LMBRD2: variants seen among roughly 807,000 people sequenced by gnomAD.
LMBRD2 encodes the protein G protein-coupled receptor-associated protein LMBRD2.
Under a neutral mutation model 94.4 loss-of-function variants are expected in LMBRD2, and 55 were observed. The ratio of observed to expected loss-of-function variants is 0.58; its 90% confidence interval spans 0.47 to 0.73. LMBRD2 has a LOEUF of 0.73. Ranked by LOEUF, LMBRD2 falls within the 30% of genes least tolerant of loss-of-function variation. The pLI, the probability that LMBRD2 is intolerant of heterozygous loss-of-function variation, is 0.00. For missense variants in LMBRD2, 640 were observed against 831.9 expected, an observed-to-expected ratio of 0.77 and a Z score of 2.84; for synonymous variants, 246 against 272.4, an observed-to-expected ratio of 0.90 and a Z score of 0.95.
At chr5:36,118,677 G>T (rs1413352495) in intron 9 of LMBRD2, among the ~76,000 whole-genome samples, 2 of 149,418 alleles carry the variant, frequency 1.3e-5, no homozygotes, top group Non-Finnish European at 3.0e-5. Flanking sequence ...TTGAGATGGA[G>T]TCTCGCTCTG....
At chr5:36,118,895 G>A (rs770457467) in intron 9 of LMBRD2, among the ~76,000 whole-genome samples, 28 of 151,808 alleles carry the variant, frequency 1.8e-4, no homozygotes, top group Non-Finnish European at 2.6e-4. Context: ...GGGTTTCACC[G>A]TGTTAGCCAG....
At chr5:36,118,171 G>A (rs1743803023) in intron 9 of LMBRD2, among the ~76,000 whole-genome samples, 1 of 152,138 alleles carries the variant, frequency 6.6e-6, no homozygotes, top group Admixed American at 6.5e-5. Context: ...GAAAAATGCA[G>A]AACTTGCGTC....
chr5:36,143,659 T>C (rs1008804628), intron 1 of LMBRD2, among the ~76,000 whole-genome samples: 1 of 152,188 alleles, frequency 6.6e-6, no homozygotes, highest in African/African-American at 2.4e-5. Flanking sequence ...TATTAGTTCT[T>C]ACAATATTAC....
rs113197601 is a variant in LMBRD2, at chr5:36,122,602, G to A, written c.937-139C>T. ...ACTGGGTCAGGCTGAGAATATTAAT[G>A]TTCCAAAATGATGTAACAGTTTTAT... On this transcript the variant is annotated intron_variant, in intron 8 of 17. Coordinates refer to ENST00000296603, the MANE Select transcript of LMBRD2 (RefSeq NM_001007527.2). The A allele has an allele frequency of 5.7e-6, 5 of 874,112 alleles. No individual in the cohort carries two copies. In the African/African-American group the frequency reaches 6.9e-5, roughly 12 times the overall value. 54.1% of individuals were successfully genotyped at this position (874,112 alleles called of 1,614,324 possible).
chr5:36,124,760 T>C (rs959567663), intron 6 of LMBRD2, among the ~76,000 whole-genome samples: 4 of 152,076 alleles, frequency 2.6e-5, no homozygotes, highest in African/African-American at 9.7e-5. Flanking sequence ...AGGAGCACAC[T>C]ATCTACTGGC....
At chr5:36,123,859 T>C (rs965992670) in intron 7 of LMBRD2, among the ~76,000 whole-genome samples, 15 of 151,824 alleles carry the variant, frequency 9.9e-5, no homozygotes, top group African/African-American at 3.6e-4. Flanking sequence ...AAGATATTAC[T>C]GAGGCCTTGG....
chr5:36,106,771 G>A (rs1314969195), intron 16 of LMBRD2, among the ~76,000 whole-genome samples: 3 of 151,916 alleles, frequency 2.0e-5, no homozygotes, highest in Non-Finnish European at 4.4e-5. Context: ...CAGCTTCACA[G>A]GCATAAGCCA....
intron 15 of LMBRD2, 93 bp downstream of exon 15, chr5:36,109,852 C>T: frequency 7.8e-6 from 7 of 898,676 alleles, no homozygotes; most frequent in Admixed American, 2.5e-5. Flanking sequence ...CTGTTTTTTT[C>T]TGTCTTTAGC....
intron 16 of LMBRD2, among the ~76,000 whole-genome samples, 186 bp downstream of exon 16, chr5:36,108,348 A>G (rs1743521225): frequency 6.6e-6 from 1 of 152,158 alleles, no homozygotes; most frequent in African/African-American, 2.4e-5. Context: ...TCCCTACCAC[A>G]GTACATATTT....
Position 36,105,055 on chromosome 5 carries a change from A to G in LMBRD2, c.2027+13T>C. 6.2e-7 allele frequency: 1 copy of G among 1,611,118 alleles called. No individual in the cohort carries two copies. Among genetic ancestry groups the G allele is most frequent in the South Asian group, 1.1e-5 (1 of 90,614 alleles). ...AGGAATGCTAGAGCTAAAATGTCAC[A>G]GCCAGAACTTACCTTCCTGATTCAG... is the stretch of plus-strand genomic sequence containing the variant. On this transcript the variant is annotated intron_variant, in intron 17 of 17. Coordinates refer to ENST00000296603, the MANE Select transcript of LMBRD2 (RefSeq NM_001007527.2).
chr5:36,109,155 G>A (rs1360391739), intron 15 of LMBRD2, among the ~76,000 whole-genome samples: 1 of 152,068 alleles, frequency 6.6e-6, no homozygotes, highest in African/African-American at 2.4e-5. Flanking sequence ...AGGGACATTA[G>A]AAGTCACCTA....
At position 36,104,035 on chromosome 5, in the gene LMBRD2, T is replaced by C; in HGVS notation, c.*11A>G. 6.2e-7 allele frequency: 1 copy of C among 1,606,020 alleles called. No homozygotes were observed. The highest frequency in any genetic ancestry group is 8.5e-7 in the Non-Finnish European group (1 of 1,174,284). On this transcript the variant is annotated 3_prime_UTR_variant, in exon 18 of 18. Coordinates refer to ENST00000296603, the MANE Select transcript of LMBRD2 (RefSeq NM_001007527.2). ...GACCTTGGTTAGTGGTCCCACAAACTTTTTCAGACTTTAAACATCATTAAA... is the reference window on the plus strand; with the variant it reads ...GACCTTGGTTAGTGGTCCCACAAACCTTTTCAGACTTTAAACATCATTAAA...
chr5:36,140,589 G>A (rs1311302398), intron 4 of LMBRD2, among the ~76,000 whole-genome samples: 1 of 152,204 alleles, frequency 6.6e-6, no homozygotes, highest in African/African-American at 2.4e-5. Flanking sequence ...TTGGTGAGAA[G>A]CTGAAAGAGC....
intron 17 of LMBRD2, among the ~76,000 whole-genome samples, 177 bp from the exon 18 acceptor site, chr5:36,104,283 A>G (rs749885385): frequency 7.2e-5 from 11 of 151,978 alleles, no homozygotes; most frequent in Non-Finnish European, 1.0e-4. Flanking sequence ...ACTTAATTAT[A>G]AATCAACCAG....
chr5:36,135,164 GT>G (rs1313172743), intron 6 of LMBRD2, among the ~76,000 whole-genome samples: 1 of 152,118 alleles, frequency 6.6e-6, no homozygotes, highest in African/African-American at 2.4e-5. Flanking sequence ...GTCAGTCCCT[GT>G]TTAAGGCAAG....
At chr5:36,105,869 G>A (rs1743454655) in intron 16 of LMBRD2, among the ~76,000 whole-genome samples, 1 of 152,084 alleles carries the variant, frequency 6.6e-6, no homozygotes, top group Non-Finnish European at 1.5e-5. Flanking sequence ...TGTGGATAGG[G>A]ATTTCTATAT....
chr5:36,105,748 A>T (rs909074218), intron 16 of LMBRD2, among the ~76,000 whole-genome samples: 8 of 152,216 alleles, frequency 5.3e-5, no homozygotes, highest in African/African-American at 1.9e-4. Context: ...TTTAAACACA[A>T]TATATCCAAA....
intron 1 of LMBRD2, among the ~76,000 whole-genome samples, chr5:36,148,629 C>G (rs1744611220): frequency 6.6e-6 from 1 of 152,140 alleles, no homozygotes; most frequent in Non-Finnish European, 1.5e-5. Context: ...TTAGACCTCA[C>G]AACCTAGTAA....
In LMBRD2 at chr5:36,122,775, T is replaced by C. The variant is rs994495723; in HGVS notation, c.936+73A>G. On this transcript the variant is annotated intron_variant, in intron 8 of 17. Coordinates refer to ENST00000296603, the MANE Select transcript of LMBRD2 (RefSeq NM_001007527.2). Reference sequence around the variant, plus strand: ...AAATACACATTCACTAAAAATTCCTTTTTTTATGAGCAATGATTAGAAGTC... The same window carrying C: ...AAATACACATTCACTAAAAATTCCTCTTTTTATGAGCAATGATTAGAAGTC... 8 of 1,494,814 alleles carry C rather than the reference T, an allele frequency of 5.4e-6. No homozygotes were observed. In the African/African-American group the frequency reaches 8.8e-5, roughly 16 times the overall value. 92.6% of individuals were successfully genotyped at this position (1,494,814 alleles called of 1,614,324 possible).
Sources: allele counts gnomAD v4.1 joint callset (sites outside exome capture counted in the v4.1 genomes callset), GRCh38; gene constraint gnomAD v4.1.1; transcripts MANE v1.5; gene names NCBI Gene and HGNC (gene_info 2026-07-23, HGNC 2026-07-21).